Variants in RGMB observed in about 807,000 individuals in gnomAD.
The protein encoded by RGMB is repulsive guidance molecule B.
Under a neutral mutation model 26.9 loss-of-function variants are expected in RGMB, and 16 were observed. That is an observed-to-expected ratio of 0.60 (90% CI 0.40 to 0.90). RGMB has a LOEUF of 0.90. RGMB is among the 40% of genes least tolerant of loss of function. The pLI is 0.00. For synonymous variants in RGMB, 225 were observed against 229.3 expected (o/e 0.98, Z 0.17); for missense variants, 512 against 573.3 (o/e 0.89, Z 1.09).
chr5:98,772,121 C>T (rs1746185120), upstream of RGMB, among the ~76,000 whole-genome samples: 1 of 152,198 alleles, frequency 6.6e-6, no homozygotes, highest in African/African-American at 2.4e-5. Context: ...TGTCATATAA[C>T]TTCCTCCCCA....
rs1276468909 is a variant in RGMB at position 98,794,457 on chromosome 5, A to G, written c.*704A>G. 1.3e-5 allele frequency: 2 copies of G among 152,176 alleles called. No homozygotes were observed. The highest frequency in any genetic ancestry group is 2.1e-4 in the South Asian group (1 of 4,826). 9.4% of individuals were successfully genotyped at this position (152,176 alleles called of 1,614,324 possible). On this transcript the variant is annotated 3_prime_UTR_variant, in exon 3 of 3. Transcript: ENST00000513185. ...ATTAGGTTGAACCATAGAAACTGCT[A>G]TTCTCGTAGGTCAAAAGGGTCTAGT...
At chr5:98,791,615 T>G (rs969573084) in intron 2 of RGMB, among the ~76,000 whole-genome samples, 2 of 152,238 alleles carry the variant, frequency 1.3e-5, no homozygotes, top group Non-Finnish European at 2.9e-5. Context: ...CTTGTCTACC[T>G]TCCTCCTGAC....
At chr5:98,783,870 G>A (rs1746686567) in intron 2 of RGMB, among the ~76,000 whole-genome samples, 1 of 152,094 alleles carries the variant, frequency 6.6e-6, no homozygotes, top group South Asian at 2.1e-4. Flanking sequence ...AATTATTTTT[G>A]TACAAGTAGT....
chr5:98,795,571 CCTT>C lies in RGMB; in HGVS notation c.*1822_*1824del, dbSNP rs576807235. The C allele has an allele frequency of 8.9e-4, 135 of 152,288 alleles. 1 individual carries two copies. The highest frequency in any genetic ancestry group is 3.1e-3 in the African/African-American group (129 of 41,550). The allele number at this position is 152,288 out of a possible 1,614,324, so 9.4% of individuals were successfully genotyped here. On this transcript the variant is annotated 3_prime_UTR_variant, in exon 3 of 3. Transcript: ENST00000513185. ...GTCTGGGAAAATAAGGAAGGCATCT[CCTT>C]CTTACTCATGGAGATTCAACTATAG...
chr5:98,778,632 T>G (rs1392068215), intron 1 of RGMB, among the ~76,000 whole-genome samples: 1 of 152,176 alleles, frequency 6.6e-6, no homozygotes, highest in African/African-American at 2.4e-5. Context: ...AATATTAAAT[T>G]ATTTGGGGAC....
rs1746532210 is a variant in RGMB, at chr5:98,779,830, T to C, written c.387T>C (p.Ser129=). The part of the protein sequence containing the change: ...RNCSKDGPTS[S]TNPEVTHDPC... ...GTTCCAAGGATGGACCCACATCCTCTACCAACCCCGAAGTGACCCATGATC... is the reference window on the plus strand; with the variant it reads ...GTTCCAAGGATGGACCCACATCCTCCACCAACCCCGAAGTGACCCATGATC... Residue 129 remains serine (S), a synonymous_variant, in exon 2 of 3, where the codon TCT becomes TCC. Transcript: ENST00000513185. 6.2e-7 allele frequency: 1 copy of C among 1,614,014 alleles called. No individual in the cohort carries two copies. Among genetic ancestry groups the C allele is most frequent in the Non-Finnish European group, 8.5e-7 (1 of 1,179,878 alleles).
At chr5:98,780,305 A>AC (rs1185173482) in intron 2 of RGMB, 10 of 494,430 alleles carry the variant, frequency 2.0e-5, no homozygotes, top group Non-Finnish European at 3.5e-5. Context: ...ACAGTGATAT[A>AC]AAGAATAAAA....
In RGMB at chr5:98,779,431, A is replaced by C. The variant is rs1039827888; in HGVS notation, c.137-149A>C. 1.1e-5 allele frequency: 8 copies of C among 706,648 alleles called. No homozygotes were observed. In the African/African-American group the frequency reaches 1.4e-4, roughly 13 times the overall value. The allele number at this position is 706,648 out of a possible 1,614,324, so 43.8% of individuals were successfully genotyped here. ...AGTTTGAGAAAGACACAGGAACACA[A>C]TGAAACCCTGTATCTGAAGGCTTCT... is the stretch of plus-strand genomic sequence containing the variant. On this transcript the variant is annotated intron_variant, in intron 1 of 2. Transcript: ENST00000513185.
Position 98,793,092 on chromosome 5 carries a change from T to C in RGMB, c.653T>C (p.Ile218Thr). The C allele has an allele frequency of 6.2e-7, 1 of 1,601,204 alleles. No individual in the cohort carries two copies. Among genetic ancestry groups the C allele is most frequent in the East Asian group, 2.2e-5 (1 of 44,580 alleles). ...SSATATNKIT[I>T]IFKAHHECTD... ...ACATGCTCCTTCCCACAGATCACTA[T>C]TATCTTCAAAGCCCACCATGAGTGT... Residue 218 changes from isoleucine (I) to threonine (T), a missense_variant, in exon 3 of 3, where the codon ATT becomes ACT. Transcript: ENST00000513185.
intron 1 of RGMB, among the ~76,000 whole-genome samples, chr5:98,777,985 C>T (rs2112346131): frequency 6.6e-6 from 1 of 152,156 alleles, no homozygotes; most frequent in East Asian, 1.9e-4. Flanking sequence ...GCCCTCTTCC[C>T]TCCCATCATC....
intron 2 of RGMB, 30 bp from the exon 3 acceptor site, chr5:98,793,055 G>C: frequency 6.5e-7 from 1 of 1,546,536 alleles, no homozygotes; most frequent in Non-Finnish European, 8.8e-7. Context: ...TTCCCATTCT[G>C]TTAAACCTTG....
At chr5:98,772,313 G>C (rs1413663233), upstream of RGMB, among the ~76,000 whole-genome samples, 2 of 152,224 alleles carry the variant, frequency 1.3e-5, no homozygotes, top group Non-Finnish European at 2.9e-5. Context: ...GGGACCTAGT[G>C]GTTTGGGCAA....
chr5:98,772,555 G>A (rs562052083), upstream of RGMB: 1 of 152,208 alleles, frequency 6.6e-6, no homozygotes, highest in Non-Finnish European at 1.5e-5. Context: ...AGGCAAAGGC[G>A]AGGGCGGTAT....
intron 2 of RGMB, among the ~76,000 whole-genome samples, chr5:98,782,684 A>G (rs1379471073): frequency 6.6e-6 from 1 of 152,114 alleles, no homozygotes; most frequent in Non-Finnish European, 1.5e-5. Flanking sequence ...AAATTTTCGG[A>G]AACATCCATT....
rs1561451745 is a variant in RGMB, at chr5:98,796,344, C to CCA, written c.*2592_*2593insAC. Reference sequence around the variant, plus strand: ...TTGTTATGCTTGGAAGCTCCCCCCCCCCCAACAGTGTGTCGAGTCTTTGCA... The same window carrying CCA: ...TTGTTATGCTTGGAAGCTCCCCCCCCCACCCAACAGTGTGTCGAGTCTTTGCA... On this transcript the variant is annotated 3_prime_UTR_variant, in exon 3 of 3. Coordinates refer to ENST00000513185, the MANE Select transcript of RGMB (RefSeq NM_001366508.1). 2 of 142,184 alleles carry CCA rather than the reference C, an allele frequency of 1.4e-5. No individual in the cohort carries two copies. Among genetic ancestry groups the CCA allele is most frequent in the Admixed American group, 6.8e-5 (1 of 14,724 alleles). The allele number at this position is 142,184 out of a possible 1,614,324, so 8.8% of individuals were successfully genotyped here.
Position 98,793,215 on chromosome 5 carries a change from G to A in RGMB, c.776G>A (p.Arg259His), listed in dbSNP as rs745908553. The change falls in exon 3 of 3, where the codon CGT becomes CAT. Residue 259 changes from arginine to histidine, a missense_variant. Transcript: ENST00000513185. ...GGGGACAGCGATGCCAAGAGCCTGC[G>A]TATCGTGGAAAGGGAGAGTGGCCAC... Reference protein sequence around the residue: ...SGGDSDAKSLRIVERESGHYV... With the variant: ...SGGDSDAKSLHIVERESGHYV... The A allele has an allele frequency of 3.0e-5, 49 of 1,614,042 alleles. No homozygotes were observed. In the African/African-American group the frequency reaches 4.1e-4, roughly 14 times the overall value.
intron 2 of RGMB, among the ~76,000 whole-genome samples, chr5:98,790,917 T>C (rs148796151): frequency 1.7e-4 from 26 of 152,372 alleles, no homozygotes; most frequent in African/African-American, 6.0e-4. Context: ...ATCTGTATTG[T>C]TGACTTTCAA....
At position 98,780,028 on chromosome 5, in the gene RGMB, T is replaced by G; in HGVS notation, c.585T>G (p.Leu195=). Residue 195 remains leucine (L), a synonymous_variant, in exon 2 of 3, where the codon CTT becomes CTG. Transcript: ENST00000513185. ...GGCCACTCATAGATAATAATTATCTTTCAGTTCAAGTGACAAACGTACCTG... is the reference window on the plus strand; with the variant it reads ...GGCCACTCATAGATAATAATTATCTGTCAGTTCAAGTGACAAACGTACCTG... ...GAWPLIDNNY[L]SVQVTNVPVV... The G allele has an allele frequency of 6.2e-7, 1 of 1,613,760 alleles. No individual in the cohort carries two copies. The highest frequency in any genetic ancestry group is 8.5e-7 in the Non-Finnish European group (1 of 1,179,780).
chr5:98,773,960 A>T lies in RGMB; in HGVS notation c.-111A>T. 1 of 622,380 alleles carries T rather than the reference A, an allele frequency of 1.6e-6. No individual in the cohort carries two copies. The highest frequency in any genetic ancestry group is 1.7e-5 in the South Asian group (1 of 57,330). 38.6% of individuals were successfully genotyped at this position (622,380 alleles called of 1,614,324 possible). On this transcript the variant is annotated 5_prime_UTR_variant, in exon 1 of 3. Transcript: ENST00000513185. ...TGCTACACGGGCCTGAAGAAGGAAG[A>T]AGAGGAAGCGAAGCGCGCCCCCCGG...
Sources: allele counts gnomAD v4.1 joint callset (sites outside exome capture counted in the v4.1 genomes callset), GRCh38; gene constraint gnomAD v4.1.1; transcripts MANE v1.5; gene names NCBI Gene and HGNC (gene_info 2026-07-23, HGNC 2026-07-21).